Variants in SPRED1 observed in about 807,000 individuals in gnomAD.
The protein encoded by SPRED1 is sprouty related EVH1 domain containing 1, also known as sprouty-related, EVH1 domain-containing protein 1.
A neutral mutation model predicts 52.3 loss-of-function variants in SPRED1; 18 were observed. That is an observed-to-expected ratio of 0.34 (90% CI 0.24 to 0.51). SPRED1 has a LOEUF of 0.51. Ranked by LOEUF, SPRED1 falls within the 20% of genes least tolerant of loss-of-function variation. The pLI, the probability that SPRED1 is intolerant of heterozygous loss-of-function variation, is 0.97. For missense variants in SPRED1, 485 were observed against 551.0 expected (o/e 0.88, Z 1.20); for synonymous variants, 155 against 179.7 (o/e 0.86, Z 1.10).
At position 38,293,094 on chromosome 15, in the gene SPRED1, T is replaced by G. The variant is rs1471971641; in HGVS notation, c.33-6279T>G. Among the ~76,000 whole-genome samples, 9 of 121,884 alleles carry G rather than the reference T, an allele frequency of 7.4e-5. No individual in the cohort carries two copies. The Admixed American group carries it at 9.1e-4, about 12-fold the overall frequency. 80.0% of individuals were successfully genotyped at this position (121,884 alleles called of 152,430 possible). On this transcript the variant is annotated intron_variant, in intron 1 of 6. Coordinates refer to ENST00000299084, the MANE Select transcript of SPRED1 (RefSeq NM_152594.3). ...AGAGCTTAAGTAATTTACCCAAGAT[T>G]ACAACTTTTTTTTTTTTTTTTTTTG...
chr15:38,304,189 G>C (rs754644254), intron 2 of SPRED1, among the ~76,000 whole-genome samples: 104 of 152,236 alleles, frequency 6.8e-4, no homozygotes, highest in Non-Finnish European at 2.8e-4. Context: ...TTCTATCATG[G>C]GGGAATCTTG....
chr15:38,285,019 T>C (rs1359620685), intron 1 of SPRED1, among the ~76,000 whole-genome samples: 1 of 152,166 alleles, frequency 6.6e-6, no homozygotes, highest in Non-Finnish European at 1.5e-5. Flanking sequence ...GTTTCACCTG[T>C]ACCACACCAT....
chr15:38,295,661 A>T (rs1284792536), intron 1 of SPRED1, among the ~76,000 whole-genome samples: 1 of 152,168 alleles, frequency 6.6e-6, no homozygotes, highest in Non-Finnish European at 1.5e-5. Context: ...TATTATGTTT[A>T]ACATATTAAC....
intron 4 of SPRED1, among the ~76,000 whole-genome samples, chr15:38,336,709 C>T (rs546382448): frequency 4.6e-5 from 7 of 151,834 alleles, no homozygotes; most frequent in African/African-American, 1.7e-4. Flanking sequence ...GGTTCTCACT[C>T]GTTCTCACTC....
intron 5 of SPRED1, among the ~76,000 whole-genome samples, chr15:38,347,992 C>A (rs1312916459): frequency 6.6e-6 from 1 of 151,936 alleles, no homozygotes; most frequent in Non-Finnish European, 1.5e-5. Context: ...TATTCATAGA[C>A]CCTGTTGACT....
chr15:38,317,736 A>G (rs1367641282), intron 2 of SPRED1, among the ~76,000 whole-genome samples: 4 of 151,684 alleles, frequency 2.6e-5, no homozygotes, highest in Admixed American at 6.6e-5. Context: ...CTTTTCAGGA[A>G]TGTAGATTTA....
At chr15:38,261,763 A>T (rs1429522629) in intron 1 of SPRED1, among the ~76,000 whole-genome samples, 5 of 152,176 alleles carry the variant, frequency 3.3e-5, no homozygotes, top group African/African-American at 1.2e-4. Flanking sequence ...GTATTTAGTG[A>T]TACTATTGCA....
At chr15:38,345,524 T>G (rs769273235) in intron 5 of SPRED1, among the ~76,000 whole-genome samples, 5 of 152,190 alleles carry the variant, frequency 3.3e-5, no homozygotes, top group African/African-American at 9.7e-5. Flanking sequence ...CGTACTAGTT[T>G]TGTGAATCCT....
chr15:38,310,524 T>A (rs1267300881), intron 2 of SPRED1, among the ~76,000 whole-genome samples: 1 of 152,222 alleles, frequency 6.6e-6, no homozygotes, highest in Non-Finnish European at 1.5e-5. Context: ...GTATTAAACC[T>A]GTGGATCAAC....
intron 1 of SPRED1, among the ~76,000 whole-genome samples, chr15:38,295,025 C>G (rs1425307182): frequency 2.0e-5 from 3 of 152,178 alleles, no homozygotes; most frequent in Non-Finnish European, 2.9e-5. Context: ...GGTAACATTT[C>G]CTTGCACATT....
intron 2 of SPRED1, among the ~76,000 whole-genome samples, chr15:38,308,282 G>A (rs552376326): frequency 1.4e-4 from 22 of 152,122 alleles, no homozygotes; most frequent in Non-Finnish European, 2.9e-4. Context: ...TTTCCCAGTG[G>A]CAACATTTTG....
intron 1 of SPRED1, among the ~76,000 whole-genome samples, chr15:38,259,444 G>A (rs150773056): frequency 4.9e-4 from 74 of 152,178 alleles, no homozygotes; most frequent in African/African-American, 8.7e-4. Flanking sequence ...TGTGGTGATC[G>A]GGTCCTGCCC....
At chr15:38,321,270 CTG>C (rs1387758747) in intron 2 of SPRED1, among the ~76,000 whole-genome samples, 1 of 152,060 alleles carries the variant, frequency 6.6e-6, no homozygotes, top group Non-Finnish European at 1.5e-5. Flanking sequence ...CAGGAATTTT[CTG>C]TGTTATTCTT....
At chr15:38,323,512 T>G (rs1895646310) in intron 3 of SPRED1, among the ~76,000 whole-genome samples, 1 of 152,022 alleles carries the variant, frequency 6.6e-6, no homozygotes, top group Non-Finnish European at 1.5e-5. Context: ...ATCTGGGGAA[T>G]AGAGTCGAGT....
chr15:38,269,550 A>C (rs531780839), intron 1 of SPRED1, among the ~76,000 whole-genome samples: 1 of 152,034 alleles, frequency 6.6e-6, no homozygotes, highest in Admixed American at 6.6e-5. Flanking sequence ...CCTGGCCCTT[A>C]CTACTAGCAT....
intron 4 of SPRED1, among the ~76,000 whole-genome samples, chr15:38,325,073 A>G (rs112234885): frequency 9.6e-4 from 146 of 152,236 alleles, no homozygotes; most frequent in African/African-American, 3.2e-3. Flanking sequence ...CCTGGGCTGA[A>G]GCAACCCACC....
At chr15:38,283,470 C>G in intron 1 of SPRED1, 1 of 977,190 alleles carries the variant, frequency 1.0e-6, no homozygotes, top group Non-Finnish European at 1.2e-6. Flanking sequence ...AAATATATTA[C>G]AGATTTTGTG....
At chr15:38,278,455 C>T (rs993441377) in intron 1 of SPRED1, among the ~76,000 whole-genome samples, 10 of 152,210 alleles carry the variant, frequency 6.6e-5, no homozygotes, top group African/African-American at 1.2e-4. Context: ...TGCACTCCAG[C>T]GTGGATGACA....
chr15:38,340,392 C>A (rs1293114544), intron 5 of SPRED1, among the ~76,000 whole-genome samples: 1 of 151,850 alleles, frequency 6.6e-6, no homozygotes, highest in African/African-American at 2.4e-5. Context: ...TCTTGGTTGC[C>A]GTGTGATGTA....
Sources: allele counts gnomAD v4.1 joint callset (sites outside exome capture counted in the v4.1 genomes callset), GRCh38; gene constraint gnomAD v4.1.1; transcripts MANE v1.5; gene names NCBI Gene and HGNC (gene_info 2026-07-23, HGNC 2026-07-21).